The following RHOBTB2 variants were observed in gnomAD, a reference collection of about 807,000 sequenced individuals.
RHOBTB2 encodes the protein rho-related BTB domain-containing protein 2.
A neutral mutation model predicts 66.5 loss-of-function variants in RHOBTB2; 39 were observed. The ratio of observed to expected loss-of-function variants is 0.59; its 90% confidence interval spans 0.45 to 0.77. RHOBTB2 has a LOEUF of 0.77. Among genes scored for constraint, RHOBTB2 ranks in the 30% least tolerant of loss-of-function variants. RHOBTB2 has a pLI of 0.00. For synonymous variants in RHOBTB2, 390 were observed against 395.0 expected (o/e 0.99, Z 0.15); for missense variants, 755 against 999.1 (o/e 0.76, Z 3.29).
At chr8:22,951,361 C>T in the RHOBTB2 span, among the ~76,000 whole-genome samples, 2 of 151,082 alleles carry the variant, frequency 1.3e-5, no homozygotes, top group African/African-American at 4.9e-5. Context: ...AAGCGATTCT[C>T]CAACTTCAGC....
In RHOBTB2 at chr8:23,007,142, C is replaced by A. The variant is rs146884841; in HGVS notation, c.897C>A (p.Asp299Glu). Residue 299 changes from aspartate (D) to glutamate (E), a missense_variant, in exon 5 of 10, where the codon GAC (aspartate) becomes GAA (glutamate). By Grantham distance (45) the Asp-to-Glu change is conservative. Coordinates refer to ENST00000251822, the MANE Select transcript of RHOBTB2 (RefSeq NM_015178.3). ...SSKFYDLFLM[D>E]LSEGELGGPS... ...AGTTCTATGACCTGTTCCTCATGGACCTGAGTGAGGGGGAGCTGGGGGGCC... is the reference window on the plus strand; with the variant it reads ...AGTTCTATGACCTGTTCCTCATGGAACTGAGTGAGGGGGAGCTGGGGGGCC... 7 of 1,608,286 alleles carry A rather than the reference C, an allele frequency of 4.4e-6. No homozygotes were observed. The highest frequency in any genetic ancestry group is 1.1e-5 in the South Asian group (1 of 90,994).
In RHOBTB2 at chr8:23,007,283, C is replaced by T. The variant is rs777287975; in HGVS notation, c.1038C>T (p.Asp346=). Residue 346 remains aspartate (D), a synonymous_variant, in exon 5 of 10, where the codon GAC becomes GAT. Transcript: ENST00000251822. Reference sequence around the variant, plus strand: ...TCCTGCTCCGAGCAGCCAGCTTTGACGTGTGCGAGAGCGTGGATGAGGCTG... The same window carrying T: ...TCCTGCTCCGAGCAGCCAGCTTTGATGTGTGCGAGAGCGTGGATGAGGCTG... ...RDFLLRAASF[D]VCESVDEAGG... 1.3e-5 allele frequency: 21 copies of T among 1,613,482 alleles called. 1 individual carries two copies. Among genetic ancestry groups the T allele is most frequent in the South Asian group, 5.5e-5 (5 of 91,052 alleles).
upstream of RHOBTB2, among the ~76,000 whole-genome samples, chr8:22,983,342 A>AAC (rs1810240760): frequency 6.6e-6 from 1 of 151,842 alleles, no homozygotes; most frequent in African/African-American, 2.4e-5. Flanking sequence ...TAGTTAAAAA[A>AAC]AAAAAAAACA....
the RHOBTB2 span, among the ~76,000 whole-genome samples, chr8:22,957,571 C>A: frequency 6.6e-6 from 1 of 152,124 alleles, no homozygotes; most frequent in East Asian, 1.9e-4. Context: ...GTTCCTGGAC[C>A]AAACTGAGGG....
chr8:22,999,691 C>T lies in RHOBTB2; in HGVS notation c.-425C>T, dbSNP rs1404070921. On this transcript the variant is annotated 5_prime_UTR_variant, in exon 1 of 10. Transcript: ENST00000251822. ...TCGCGAGCGGTACCTGGGACTGCAGCGCCAGGCGTCTTCGCGGCAGCGCCT... is the reference window on the plus strand; with the variant it reads ...TCGCGAGCGGTACCTGGGACTGCAGTGCCAGGCGTCTTCGCGGCAGCGCCT... 5.1e-6 allele frequency: 6 copies of T among 1,180,274 alleles called. No homozygotes were observed. Among genetic ancestry groups the T allele is most frequent in the Admixed American group, 3.4e-5 (1 of 29,298 alleles). 73.1% of individuals were successfully genotyped at this position (1,180,274 alleles called of 1,614,324 possible).
At chr8:23,011,087 C>T (rs1811133331) in intron 7 of RHOBTB2, among the ~76,000 whole-genome samples, 1 of 152,166 alleles carries the variant, frequency 6.6e-6, no homozygotes, top group African/African-American at 2.4e-5. Flanking sequence ...AAACCCGTCT[C>T]TACTAAAAAT....
At chr8:22,959,886 G>C in the RHOBTB2 span, among the ~76,000 whole-genome samples, 3 of 151,584 alleles carry the variant, frequency 2.0e-5, no homozygotes, top group Admixed American at 2.0e-4. Flanking sequence ...AATGTTGGCC[G>C]GGTGTGGTGG....
At position 23,006,955 on chromosome 8, in the gene RHOBTB2, A is replaced by G. The variant is rs1235540030; in HGVS notation, c.710A>G (p.Lys237Arg). The G allele has an allele frequency of 1.2e-6, 2 of 1,611,914 alleles. No individual in the cohort carries two copies. The highest frequency in any genetic ancestry group is 1.7e-6 in the Non-Finnish European group (2 of 1,179,908). Residue 237 changes from lysine to arginine, a missense_variant, in exon 5 of 10, where the codon AAG becomes AGG. By Grantham distance (26) the Lys-to-Arg change is conservative. This residue lies in a region of RHOBTB2 where 247 missense variants were observed against 238.9 expected (regional missense o/e 1.03). Transcript: ENST00000251822. This position sits in a 1 kb window ranked among gnomAD's most constrained non-coding sequence, Gnocchi z 6.1. Reference protein sequence around the residue: ...PLLQAPFLPPKPPPPIIVVPD... With the variant: ...PLLQAPFLPPRPPPPIIVVPD... ...CTGCAGGCACCCTTCCTACCCCCCAAGCCACCGCCCCCGATCATCGTGGTG... is the reference window on the plus strand; with the variant it reads ...CTGCAGGCACCCTTCCTACCCCCCAGGCCACCGCCCCCGATCATCGTGGTG...
chr8:22,973,299 G>T, the RHOBTB2 span, among the ~76,000 whole-genome samples: 1 of 152,006 alleles, frequency 6.6e-6, no homozygotes, highest in Admixed American at 6.6e-5. Context: ...CCCGATCATC[G>T]CTCATTGCAC....
chr8:23,017,347 G>A lies in RHOBTB2; in HGVS notation c.2062G>A (p.Glu688Lys). The A allele has an allele frequency of 6.2e-7, 1 of 1,614,210 alleles. No individual in the cohort carries two copies. The highest frequency in any genetic ancestry group is 8.5e-7 in the Non-Finnish European group (1 of 1,180,032). ...GCGGGCACGGAAGGAGCGTGAGAAG[G>A]AGGACTACCTCCACCTCAAGCGGCA... ...YQRARKEREK[E>K]DYLHLKRQPK... Residue 688 changes from glutamate (E) to lysine (K), a missense_variant, in exon 10 of 10, where the codon GAG (glutamate) becomes AAG (lysine). Physicochemically the swap from Glu to Lys is moderately conservative, Grantham distance 56. This residue lies in a region of RHOBTB2 where 353 missense variants were observed against 458.2 expected (regional missense o/e 0.77). Coordinates refer to ENST00000251822, the MANE Select transcript of RHOBTB2 (RefSeq NM_015178.3). The surrounding 1 kb of genome is among the most constrained non-coding windows in gnomAD (Gnocchi z 5.3).
In RHOBTB2 at chr8:23,007,543, T is replaced by G. The variant is rs748171622; in HGVS notation, c.1298T>G (p.Leu433Arg). Residue 433 changes from leucine (L) to arginine (R), a missense_variant, in exon 5 of 10, where the codon CTG becomes CGG. By Grantham distance (102) the Leu-to-Arg change is moderately radical (BLOSUM62 -2). Around this residue, in one of 7 missense-constraint regions of RHOBTB2, gnomAD observed 353 missense variants for 458.2 expected, o/e 0.77. Transcript: ENST00000251822. ...CCCTTCCGGGCTGTCCTCAAGTACC[T>G]GTACACGGGGGAGCTAGATGAGAAC... is the stretch of plus-strand genomic sequence containing the variant. The part of the protein sequence containing the change: ...PGPFRAVLKY[L>R]YTGELDENER... 1 of 1,614,190 alleles carries G rather than the reference T, an allele frequency of 6.2e-7. No homozygotes were observed. The highest frequency in any genetic ancestry group is 1.1e-5 in the South Asian group (1 of 91,080).
chr8:23,002,629 G>A (rs541002758), intron 1 of RHOBTB2, among the ~76,000 whole-genome samples: 150 of 152,328 alleles, frequency 9.8e-4, no homozygotes, highest in African/African-American at 3.3e-3. Flanking sequence ...GGCAGAGGCT[G>A]CAGTGAGCCG....
chr8:22,997,912 T>C (rs1810620971), upstream of RHOBTB2, among the ~76,000 whole-genome samples: 1 of 152,212 alleles, frequency 6.6e-6, no homozygotes, highest in South Asian at 2.1e-4. Context: ...ATGCCAAACA[T>C]GTGGAGGAAG....
chr8:22,960,788 C>G, the RHOBTB2 span, among the ~76,000 whole-genome samples: 1 of 152,126 alleles, frequency 6.6e-6, no homozygotes, highest in Non-Finnish European at 1.5e-5. Flanking sequence ...AAGGAACTCA[C>G]GATAAAATTT....
intron 6 of RHOBTB2, among the ~76,000 whole-genome samples, chr8:23,010,294 C>T (rs1811101519): frequency 6.6e-6 from 1 of 152,162 alleles, no homozygotes; most frequent in Admixed American, 6.5e-5. Flanking sequence ...TAAAAATAAA[C>T]ACATAAATGA....
At chr8:22,976,585 G>A in the RHOBTB2 span, among the ~76,000 whole-genome samples, 1 of 152,266 alleles carries the variant, frequency 6.6e-6, no homozygotes, top group African/African-American at 2.4e-5. Context: ...TTTAGTTGGG[G>A]TAAATGTCAG....
At chr8:22,984,026 G>A (rs1008634489), upstream of RHOBTB2, among the ~76,000 whole-genome samples, 3 of 152,082 alleles carry the variant, frequency 2.0e-5, no homozygotes, top group Non-Finnish European at 4.4e-5. Context: ...GAGCCACTGC[G>A]CCCAGCCAGT....
chr8:22,983,541 C>T (rs1810245750), upstream of RHOBTB2, among the ~76,000 whole-genome samples: 2 of 151,100 alleles, frequency 1.3e-5, no homozygotes, highest in African/African-American at 4.9e-5. Context: ...GACAGTTCAG[C>T]CAGAGTAAAG....
the RHOBTB2 span, among the ~76,000 whole-genome samples, chr8:22,974,157 G>C: frequency 6.6e-6 from 1 of 152,254 alleles, no homozygotes; most frequent in East Asian, 1.9e-4. Context: ...GGTCTAGGGT[G>C]GGGGTATGGA....
Sources: allele counts gnomAD v4.1 joint callset (sites outside exome capture counted in the v4.1 genomes callset), GRCh38; gene constraint gnomAD v4.1.1; regional missense constraint gnomAD v4.1.1; non-coding constraint Gnocchi (gnomAD v3.1); transcripts MANE v1.5; gene names NCBI Gene and HGNC (gene_info 2026-07-23, HGNC 2026-07-21).